ACTR1B: variants seen among roughly 807,000 people sequenced by gnomAD.
The protein encoded by ACTR1B is actin related protein 1B, also known as beta-centractin.
A neutral mutation model predicts 49.4 loss-of-function variants in ACTR1B; 34 were observed. That is an observed-to-expected ratio of 0.69 (90% CI 0.52 to 0.92). The LOEUF (loss-of-function observed/expected upper bound fraction) is 0.92, where lower values mean the gene tolerates loss of function less well. Ranked by LOEUF, ACTR1B falls within the 40% of genes least tolerant of loss-of-function variation. The pLI, the probability that ACTR1B is intolerant of heterozygous loss-of-function variation, is 0.00. For missense variants in ACTR1B, 471 were observed against 522.4 expected (o/e 0.90, Z 0.96); for synonymous variants, 207 against 207.8 (o/e 1.00, Z 0.03).
At position 97,655,978 on chromosome 2, in the gene ACTR1B, AATT is replaced by A. The variant is rs1317461577; in HGVS notation, c.*877_*879del. On this transcript the variant is annotated 3_prime_UTR_variant, in exon 11 of 11. Transcript: ENST00000289228. ...GAGCCACACACTGGGCCTTGTCCAT[AATT>A]ATTACTATAATGATTTACAAAAGTT... 6.6e-6 allele frequency: 1 copy of A among 152,258 alleles called. No individual in the cohort carries two copies. Among genetic ancestry groups the A allele is most frequent in the African/African-American group, 2.4e-5 (1 of 41,472 alleles). 9.4% of individuals were successfully genotyped at this position (152,258 alleles called of 1,614,324 possible).
At position 97,658,770 on chromosome 2, in the gene ACTR1B, AAC is replaced by A; in HGVS notation, c.440+107_440+108del. On this transcript the variant is annotated intron_variant, in intron 5 of 10. Transcript: ENST00000289228. The surrounding 1 kb of genome is among the most constrained non-coding windows in gnomAD (Gnocchi z 5.9). ...GAGGACACGAGGGACTCCCTAGAGG[AAC>A]AGTCATCAAGGGGCTGTTTTTCCAG... 1 of 1,588,742 alleles carries A rather than the reference AAC, an allele frequency of 6.3e-7. No individual in the cohort carries two copies. The highest frequency in any genetic ancestry group is 8.6e-7 in the Non-Finnish European group (1 of 1,160,192).
rs1391587468 is a variant in ACTR1B, at chr2:97,660,655, A to G, written c.114-9T>C. On this transcript the variant is annotated splice_polypyrimidine_tract_variant and intron_variant, in intron 2 of 10. Coordinates refer to ENST00000289228, the MANE Select transcript of ACTR1B (RefSeq NM_005735.4). ...GCTTCGGCCGCCCGACACTGTTAGG[A>G]CGGATAACGTCAGCAAGGTGGGCAG... 2.5e-6 allele frequency: 4 copies of G among 1,613,738 alleles called. No individual in the cohort carries two copies. Among genetic ancestry groups the G allele is most frequent in the Non-Finnish European group, 3.4e-6 (4 of 1,179,706 alleles).
intron 1 of ACTR1B, 77 bp from the exon 2 acceptor site, chr2:97,662,023 C>T (rs1675022872): frequency 2.7e-6 from 4 of 1,468,894 alleles, no homozygotes; most frequent in Admixed American, 3.9e-5. Context: ...AGAGAGCTGG[C>T]TGCCCCGTCA....
chr2:97,660,499 C>A, intron 3 of ACTR1B, 72 bp downstream of exon 3: 1 of 1,499,602 alleles, frequency 6.7e-7, no homozygotes, highest in East Asian at 2.3e-5. Context: ...CCAGCAGAGG[C>A]CCAAGAACAC....
At chr2:97,662,404 C>CTTT (rs545069324) in intron 1 of ACTR1B, among the ~76,000 whole-genome samples, 1 of 141,370 alleles carries the variant, frequency 7.1e-6, no homozygotes, top group Non-Finnish European at 1.6e-5. Flanking sequence ...CTGTGTGGGT[C>CTTT]TTTTTTTTTT....
At chr2:97,660,455 CAGCTGG>C in intron 3 of ACTR1B, 110 bp downstream of exon 3, 1 of 1,049,592 alleles carries the variant, frequency 9.5e-7, no homozygotes, top group Non-Finnish European at 1.4e-6. Flanking sequence ...CAGCACTTCC[CAGCTGG>C]AGCCTGGAGG....
chr2:97,657,920 C>T, intron 8 of ACTR1B, 23 bp downstream of exon 8: 1 of 1,611,046 alleles, frequency 6.2e-7, no homozygotes, highest in Non-Finnish European at 8.5e-7. Flanking sequence ...GTCTCACCAC[C>T]ACCAACTCTC....
Position 97,660,584 on chromosome 2 carries a change from C to A in ACTR1B, c.176G>T (p.Gly59Val). Reference protein sequence around the residue: ...AGALEGDLFIGPKAEEHRGLL... With the variant: ...AGALEGDLFIVPKAEEHRGLL... ...CCTCGGTGTTACCTCTGCTTTTGGTCCGATGAAGAGGTCCCCCTCCAGGGC... is the reference window on the plus strand; with the variant it reads ...CCTCGGTGTTACCTCTGCTTTTGGTACGATGAAGAGGTCCCCCTCCAGGGC... The change falls in exon 3 of 11, where the codon GGA becomes GTA. Residue 59 changes from glycine to valine, a missense_variant. Physicochemically the swap from Gly to Val is moderately radical, Grantham distance 109. Transcript: ENST00000289228. 6.2e-7 allele frequency: 1 copy of A among 1,614,132 alleles called. No individual in the cohort carries two copies.
intron 3 of ACTR1B, 137 bp downstream of exon 3, chr2:97,660,434 G>A (rs575048395): frequency 4.6e-5 from 36 of 783,420 alleles, no homozygotes; most frequent in Non-Finnish European, 4.3e-6. Flanking sequence ...TCAGGGGGAG[G>A]TGCCCCTGCA....
At chr2:97,657,365 G>A in intron 9 of ACTR1B, 83 bp downstream of exon 9, 2 of 1,530,778 alleles carry the variant, frequency 1.3e-6, no homozygotes, top group Non-Finnish European at 1.8e-6. Context: ...TGGTGAGCGG[G>A]TCTGGGGGCA....
rs1559289640 is a variant in ACTR1B at position 97,659,467 on chromosome 2, C to A, written c.200G>T (p.Gly67Val). The change falls in exon 4 of 11, where the codon GGG (glycine) becomes GTG (valine). Residue 67 changes from glycine to valine, a missense_variant. By Grantham distance (109) the Gly-to-Val change is moderately radical (BLOSUM62 -3). Coordinates refer to ENST00000289228, the MANE Select transcript of ACTR1B (RefSeq NM_005735.4). This position sits in a 1 kb window ranked among gnomAD's most constrained non-coding sequence, Gnocchi z 4.0. Reference protein sequence around the residue: ...FIGPKAEEHRGLLTIRYPMEH... With the variant: ...FIGPKAEEHRVLLTIRYPMEH... ...CATGGGGTAGCGGATGGTCAGCAGCCCCCGGTGCTCCTGGTGGGGTGGGAA... is the reference window on the plus strand; with the variant it reads ...CATGGGGTAGCGGATGGTCAGCAGCACCCGGTGCTCCTGGTGGGGTGGGAA... 1.2e-6 allele frequency: 2 copies of A among 1,613,682 alleles called. No homozygotes were observed. The highest frequency in any genetic ancestry group is 8.5e-7 in the Non-Finnish European group (1 of 1,179,960).
In ACTR1B at chr2:97,661,881, C is replaced by A; in HGVS notation, c.113+1G>T. The A allele has an allele frequency of 6.3e-7, 1 of 1,590,298 alleles. No individual in the cohort carries two copies. The highest frequency in any genetic ancestry group is 2.2e-5 in the East Asian group (1 of 44,482). On this transcript the variant is annotated splice_donor_variant, in intron 2 of 10. Transcript: ENST00000289228. LOFTEE classifies it high-confidence loss of function. ...AAGGCTGCTGCCTGAGCCACACTTA[C>A]TAGTTTGGGAAACAGTATTTGGGAA... is the stretch of plus-strand genomic sequence containing the variant.
rs769730826 is a variant in ACTR1B at position 97,660,639 on chromosome 2, G to A, written c.121C>T (p.Arg41Trp). ...PKYCFPNYVG[R>W]PKHMRVMAGA... ...GCCATCACCCGCATGTGCTTCGGCC[G>A]CCCGACACTGTTAGGACGGATAACG... The change falls in exon 3 of 11, where the codon CGG (arginine) becomes TGG (tryptophan). Residue 41 changes from arginine to tryptophan, a missense_variant. Physicochemically the swap from Arg to Trp is moderately radical, Grantham distance 101 (BLOSUM62 -3). Coordinates refer to ENST00000289228, the MANE Select transcript of ACTR1B (RefSeq NM_005735.4). The A allele has an allele frequency of 3.1e-6, 5 of 1,613,972 alleles. No homozygotes were observed. In the South Asian group the frequency reaches 4.4e-5, roughly 14 times the overall value.
chr2:97,657,024 C>T (rs576383311), intron 10 of ACTR1B, 64 bp from the exon 11 acceptor site: 71 of 1,573,630 alleles, frequency 4.5e-5, no homozygotes, highest in Non-Finnish European at 5.6e-5. Context: ...TTCCTGGGTG[C>T]TCAGAGTTGC....
chr2:97,658,114 C>T lies in ACTR1B; in HGVS notation c.754G>A (p.Gly252Arg), dbSNP rs1487630863. 2.5e-6 allele frequency: 4 copies of T among 1,613,934 alleles called. No individual in the cohort carries two copies. The highest frequency in any genetic ancestry group is 3.4e-6 in the Non-Finnish European group (4 of 1,180,014). The change falls in exon 8 of 11, where the codon GGG becomes AGG. Residue 252 changes from glycine (G) to arginine (R), a missense_variant. Transcript: ENST00000289228. This position sits in a 1 kb window ranked among gnomAD's most constrained non-coding sequence, Gnocchi z 5.9. ...TLPDGSTLDV[G>R]PARFRAPELL... ...TCGGGGGCCCGGAATCGTGCAGGCC[C>T]CACCTTTAGTGTACAAGATTGAGGC...
At position 97,663,899 on chromosome 2, in the gene ACTR1B, C is replaced by A. The variant is rs1303179503; in HGVS notation, c.-9G>T. The A allele has an allele frequency of 3.0e-6, 4 of 1,343,186 alleles. No individual in the cohort carries two copies. Among genetic ancestry groups the A allele is most frequent in the Non-Finnish European group, 3.9e-6 (4 of 1,027,782 alleles). The allele number at this position is 1,343,186 out of a possible 1,614,324, so 83.2% of individuals were successfully genotyped here. A position where few individuals can be genotyped will look rare whatever the true frequency, so the allele number is the denominator to read the frequency against. On this transcript the variant is annotated 5_prime_UTR_variant, in exon 1 of 11. Coordinates refer to ENST00000289228, the MANE Select transcript of ACTR1B (RefSeq NM_005735.4). ...ATGTCGTAGGACTCCATGGCCGGGC[C>A]GCGCCGGCCCTGCCCAGCAGGCGGG...
Position 97,659,221 on chromosome 2 carries a change from GAC to G in ACTR1B, c.315+129_315+130del. On this transcript the variant is annotated intron_variant, in intron 4 of 10. Coordinates refer to ENST00000289228, the MANE Select transcript of ACTR1B (RefSeq NM_005735.4). The surrounding 1 kb of genome is among the most constrained non-coding windows in gnomAD (Gnocchi z 4.0). The stretch of plus-strand genomic sequence containing the variant: ...GCCACTGGGTACGTATGCGCACCCA[GAC>G]ACACACGGAAAGGCAGCAGGCCCTC... 6.8e-7 allele frequency: 1 copy of G among 1,472,594 alleles called. No individual in the cohort carries two copies. Among genetic ancestry groups the G allele is most frequent in the Non-Finnish European group, 9.2e-7 (1 of 1,081,772 alleles). 91.2% of individuals were successfully genotyped at this position (1,472,594 alleles called of 1,614,324 possible).
rs914686076 is a variant in ACTR1B, at chr2:97,658,399, G to A, written c.657+28C>T. 8 of 1,613,408 alleles carry A rather than the reference G, an allele frequency of 5.0e-6. No individual in the cohort carries two copies. The highest frequency in any genetic ancestry group is 3.3e-5 in the South Asian group (3 of 91,002). On this transcript the variant is annotated intron_variant, in intron 6 of 10. Transcript: ENST00000289228. This position sits in a 1 kb window ranked among gnomAD's most constrained non-coding sequence, Gnocchi z 5.9. ...TGCCACCCTTTCCTCACCCCAGGTC[G>A]TGTCCACACCCTCTCGCCCCTTGTC...
In ACTR1B at chr2:97,660,632, T is replaced by C. The variant is rs1395576961; in HGVS notation, c.128A>G (p.Lys43Arg). The change falls in exon 3 of 11, where the codon AAG becomes AGG. Residue 43 changes from lysine (K) to arginine (R), a missense_variant. Physicochemically the swap from Lys to Arg is conservative, Grantham distance 26. Coordinates refer to ENST00000289228, the MANE Select transcript of ACTR1B (RefSeq NM_005735.4). ...GGCTCCAGCCATCACCCGCATGTGC[T>C]TCGGCCGCCCGACACTGTTAGGACG... ...YCFPNYVGRP[K>R]HMRVMAGALE... 6.2e-7 allele frequency: 1 copy of C among 1,614,058 alleles called. No homozygotes were observed. Among genetic ancestry groups the C allele is most frequent in the East Asian group, 2.2e-5 (1 of 44,884 alleles).
Sources: allele counts gnomAD v4.1 joint callset (sites outside exome capture counted in the v4.1 genomes callset), GRCh38; gene constraint gnomAD v4.1.1; non-coding constraint Gnocchi (gnomAD v3.1); transcripts MANE v1.5; gene names NCBI Gene and HGNC (gene_info 2026-07-23, HGNC 2026-07-21).